RGS7: variants seen among roughly 807,000 people sequenced by gnomAD.
The protein encoded by RGS7 is regulator of G protein signaling 7.
RGS7 carries 27 observed loss-of-function variants against 81.1 expected under a neutral mutation model. The ratio of observed to expected loss-of-function variants is 0.33; its 90% CI spans 0.25 to 0.46. RGS7 has a LOEUF of 0.46. Ranked by LOEUF, RGS7 falls within the 20% of genes least tolerant of loss-of-function variation. The probability of loss-of-function intolerance (pLI) is 1.00; values close to 1 mark genes in which losing one functional copy is unlikely to be tolerated. For missense variants in RGS7, 396 were observed against 607.4 expected (o/e 0.65, Z 3.66); for synonymous variants, 208 against 207.7 (o/e 1.00, Z -0.01).
intron 4 of RGS7, among the ~76,000 whole-genome samples, chr1:240,944,515 T>C (rs1261731251): frequency 6.6e-6 from 1 of 151,872 alleles, no homozygotes; most frequent in Non-Finnish European, 1.5e-5. Context: ...TCTGGCTGAA[T>C]GAGCTGGAAG....
At position 240,916,109 on chromosome 1, in the gene RGS7, C is replaced by CAAAAAAA. The variant is rs60839025; in HGVS notation, c.385+14601_385+14607dup. Among the ~76,000 whole-genome samples the CAAAAAAA allele has an allele frequency of 2.8e-3, 202 of 70,922 alleles. 1 individual carries two copies. The highest frequency in any genetic ancestry group is 9.1e-3 in the African/African-American group (197 of 21,628). 46.5% of individuals were successfully genotyped at this position (70,922 alleles called of 152,430 possible). A position where few individuals can be genotyped will look rare whatever the true frequency, so the allele number is the denominator to read the frequency against. On this transcript the variant is annotated intron_variant, in intron 6 of 18. Transcript: ENST00000440928. ...GAAACCCTGTGTCTACTAAAAATAC[C>CAAAAAAA]AAAAAAAAAAAAAAAAAAAAAATTA...
chr1:241,282,115 A>T (rs1035164932), intron 2 of RGS7, among the ~76,000 whole-genome samples: 3 of 152,194 alleles, frequency 2.0e-5, no homozygotes, highest in African/African-American at 7.2e-5. Context: ...AGTACCCTGT[A>T]AGTAGGTTTT....
intron 2 of RGS7, among the ~76,000 whole-genome samples, chr1:241,210,500 A>G (rs536519676): frequency 1.2e-4 from 18 of 152,332 alleles, no homozygotes; most frequent in African/African-American, 4.1e-4. Flanking sequence ...AGTCTGATGG[A>G]TTTATGGCTA....
In RGS7 at chr1:240,888,677, C is replaced by T. The variant is rs576810305; in HGVS notation, c.386-18558G>A. ...CATACATTATCTTGTTTAAACTGCA[C>T]AGCCGCGCGTTGAGAAGAGGTGCTA... On this transcript the variant is annotated intron_variant, in intron 6 of 18. Coordinates refer to ENST00000440928, the MANE Select transcript of RGS7 (RefSeq NM_001364886.1). Among the ~76,000 whole-genome samples the T allele has an allele frequency of 4.6e-5, 7 of 152,274 alleles. No individual in the cohort carries two copies. In the South Asian group the frequency reaches 1.4e-3, roughly 32 times the overall value.
chr1:241,299,045 G>A (rs1209796273), intron 2 of RGS7, among the ~76,000 whole-genome samples: 3 of 152,160 alleles, frequency 2.0e-5, no homozygotes, highest in Non-Finnish European at 2.9e-5. Flanking sequence ...CCCCAGGGAA[G>A]CCCAGAGCTG....
At chr1:240,805,113 G>A (rs1214715051) in intron 15 of RGS7, among the ~76,000 whole-genome samples, 2 of 152,116 alleles carry the variant, frequency 1.3e-5, no homozygotes, top group African/African-American at 4.8e-5. Flanking sequence ...AGTGGCTTAT[G>A]CCTGTAATCC....
rs535197251 is a variant in RGS7, at chr1:241,004,591, T to C, written c.176-21462A>G. On this transcript the variant is annotated intron_variant, in intron 3 of 18. Transcript: ENST00000440928. ...CCTTCTGGATGAAGACCCAAAGATATAGAGGAAATTGTCCATTTTTATGCT... is the reference window on the plus strand; with the variant it reads ...CCTTCTGGATGAAGACCCAAAGATACAGAGGAAATTGTCCATTTTTATGCT... Among the ~76,000 whole-genome samples the C allele has an allele frequency of 5.0e-4, 76 of 152,232 alleles. No individual in the cohort carries two copies. In the Middle Eastern group the frequency reaches 0.014, roughly 27 times the overall value.
chr1:241,002,894 C>T (rs1244338287), intron 3 of RGS7, among the ~76,000 whole-genome samples: 1 of 152,198 alleles, frequency 6.6e-6, no homozygotes, highest in African/African-American at 2.4e-5. Flanking sequence ...CAAGTTTTCA[C>T]TCAATACATT....
rs143325334 is a variant in RGS7 at position 241,307,977 on chromosome 1, C to T, written c.78+47722G>A. Among the ~76,000 whole-genome samples, 165 of 152,302 alleles carry T rather than the reference C, an allele frequency of 1.1e-3. 1 individual carries two copies. Among genetic ancestry groups the T allele is most frequent in the African/African-American group, 3.2e-3 (131 of 41,546 alleles). On this transcript the variant is annotated intron_variant, in intron 2 of 18. Transcript: ENST00000440928. Reference sequence around the variant, plus strand: ...TGTTGATACTCAGCTCTTCACCTCACTCCATCGACTGACTTCATTCTTATG... The same window carrying T: ...TGTTGATACTCAGCTCTTCACCTCATTCCATCGACTGACTTCATTCTTATG...
chr1:240,980,263 A>C (rs1352371762), intron 4 of RGS7, among the ~76,000 whole-genome samples: 1 of 152,172 alleles, frequency 6.6e-6, no homozygotes, highest in Non-Finnish European at 1.5e-5. Flanking sequence ...ATATAGACTC[A>C]TTGGTCTTAA....
chr1:240,813,399 T>C (rs1690233302), intron 13 of RGS7, among the ~76,000 whole-genome samples: 1 of 152,208 alleles, frequency 6.6e-6, no homozygotes, highest in African/African-American at 2.4e-5. Flanking sequence ...TGGGACGGTC[T>C]TTCCAGCAAT....
At chr1:240,935,193 C>T (rs75441492) in intron 5 of RGS7, among the ~76,000 whole-genome samples, 2,288 of 152,092 alleles carry the variant, frequency 0.015, 35 homozygotes, top group Middle Eastern at 0.027. Context: ...CCACTGTGCC[C>T]GGCCTCGGTG....
chr1:241,030,220 G>A (rs2059998063), intron 3 of RGS7, among the ~76,000 whole-genome samples: 1 of 151,860 alleles, frequency 6.6e-6, no homozygotes, highest in African/African-American at 2.4e-5. Flanking sequence ...CTTAGACGTG[G>A]TTTCCTTTTT....
rs560003680 is a variant in RGS7 at position 241,313,605 on chromosome 1, C to T, written c.78+42094G>A. Among the ~76,000 whole-genome samples, 19 of 152,212 alleles carry T rather than the reference C, an allele frequency of 1.2e-4. No homozygotes were observed. The South Asian group carries it at 3.3e-3, about 27-fold the overall frequency. On this transcript the variant is annotated intron_variant, in intron 2 of 18. Coordinates refer to ENST00000440928, the MANE Select transcript of RGS7 (RefSeq NM_001364886.1). Reference sequence around the variant, plus strand: ...AACATCTATTCTGCAGCCCATGGATCGAGGAGTAGTTTCTACTTTAAGTCT... The same window carrying T: ...AACATCTATTCTGCAGCCCATGGATTGAGGAGTAGTTTCTACTTTAAGTCT...
At chr1:241,133,976 G>A (rs574014226) in intron 2 of RGS7, among the ~76,000 whole-genome samples, 2 of 152,260 alleles carry the variant, frequency 1.3e-5, no homozygotes, top group South Asian at 4.2e-4. Flanking sequence ...GAGAATGAAT[G>A]AGATGCCCTC....
intron 9 of RGS7, among the ~76,000 whole-genome samples, chr1:240,864,733 A>C (rs1248674632): frequency 6.6e-6 from 1 of 152,258 alleles, no homozygotes; most frequent in Non-Finnish European, 1.5e-5. Flanking sequence ...AGTCAAGGTC[A>C]GACTATTTCA....
At chr1:241,192,418 C>T (rs1477661937) in intron 2 of RGS7, among the ~76,000 whole-genome samples, 1 of 152,044 alleles carries the variant, frequency 6.6e-6, no homozygotes, top group African/African-American at 2.4e-5. Context: ...GGCCCCAGCT[C>T]AAATGTTTCT....
rs189820938 is a variant in RGS7 at position 240,783,084 on chromosome 1, G to A, written c.*7-6871C>T. On this transcript the variant is annotated intron_variant, in intron 18 of 18. Coordinates refer to ENST00000440928, the MANE Select transcript of RGS7 (RefSeq NM_001364886.1). Reference sequence around the variant, plus strand: ...ATAAACCTGAGACTTCAGCTGGCACGTAAGTGAACAGAGAGCATCATCCTA... The same window carrying A: ...ATAAACCTGAGACTTCAGCTGGCACATAAGTGAACAGAGAGCATCATCCTA... 7.9e-3 allele frequency among the ~76,000 whole-genome samples: 1,199 copies of A among 152,292 alleles called. 7 individuals are homozygous for A. The highest frequency in any genetic ancestry group is 0.014 in the Non-Finnish European group (961 of 68,028).
At chr1:240,882,196 T>C (rs980086516) in intron 6 of RGS7, among the ~76,000 whole-genome samples, 5 of 152,184 alleles carry the variant, frequency 3.3e-5, no homozygotes, top group Admixed American at 2.6e-4. Context: ...ATTACAAGCA[T>C]GAGCCACCGT....
Sources: allele counts gnomAD v4.1 joint callset (sites outside exome capture counted in the v4.1 genomes callset), GRCh38; gene constraint gnomAD v4.1.1; transcripts MANE v1.5; gene names NCBI Gene and HGNC (gene_info 2026-07-23, HGNC 2026-07-21).